Variants in ACMSD observed in about 807,000 individuals in gnomAD.
ACMSD encodes the protein 2-amino-3-carboxymuconate-6-semialdehyde decarboxylase.
ACMSD carries 37 observed loss-of-function variants against 45.9 expected under a neutral mutation model. The observed-to-expected ratio is 0.81, with a 90% CI of 0.62 to 1.06. The LOEUF is 1.06. Ranked by LOEUF, ACMSD falls within the 50% of genes least tolerant of loss-of-function variation. ACMSD has a pLI of 0.00. For missense variants in ACMSD, 434 were observed against 420.9 expected, an observed-to-expected ratio of 1.03 and a Z score of -0.27; for synonymous variants, 138 against 148.8, an observed-to-expected ratio of 0.93 and a Z score of 0.53.
rs532301608 is a variant in ACMSD, at chr2:134,894,641, T to C, written c.850-3700T>C. 1.3e-3 allele frequency among the ~76,000 whole-genome samples: 197 copies of C among 152,188 alleles called. 2 individuals carry two copies. The highest frequency in any genetic ancestry group is 4.5e-3 in the African/African-American group (186 of 41,542). On this transcript the variant is annotated intron_variant, in intron 8 of 9. Coordinates refer to ENST00000356140, the MANE Select transcript of ACMSD (RefSeq NM_138326.3). Reference sequence around the variant, plus strand: ...ATCCTCAACCTAATAAAAAGCATCATGAAAAACCCACAACTAACATCACAC... The same window carrying C: ...ATCCTCAACCTAATAAAAAGCATCACGAAAAACCCACAACTAACATCACAC...
At chr2:134,862,754 C>T (rs1687906269) in intron 4 of ACMSD, among the ~76,000 whole-genome samples, 3 of 152,228 alleles carry the variant, frequency 2.0e-5, no homozygotes, top group Admixed American at 2.0e-4. Context: ...GATTGGCTAC[C>T]ACTCTGATTA....
At chr2:134,879,080 C>A (rs1422609208) in intron 8 of ACMSD, among the ~76,000 whole-genome samples, 1 of 152,144 alleles carries the variant, frequency 6.6e-6, no homozygotes, top group African/African-American at 2.4e-5. Flanking sequence ...TCTGATTATG[C>A]CCTGGATTTA....
rs1435552248 is a variant in ACMSD at position 134,867,500 on chromosome 2, C to A, written c.487-79C>A. On this transcript the variant is annotated intron_variant, in intron 5 of 9. Transcript: ENST00000356140. ...AGACCAATATAGACTCAGAGAAAAG[C>A]AGTTTCCCCAAAACAGTACCTGGTA... The A allele has an allele frequency of 4.6e-6, 5 of 1,086,090 alleles. No individual in the cohort carries two copies. The East Asian group carries it at 1.2e-4, about 26-fold the overall frequency. The allele number at this position is 1,086,090 out of a possible 1,614,324, so 67.3% of individuals were successfully genotyped here.
chr2:134,894,949 T>C (rs1690010287), intron 8 of ACMSD, among the ~76,000 whole-genome samples: 1 of 152,168 alleles, frequency 6.6e-6, no homozygotes, highest in African/African-American at 2.4e-5. Flanking sequence ...GAATAATCCA[T>C]AAATGAAATT....
chr2:134,872,475 C>T lies in ACMSD; in HGVS notation c.683C>T (p.Ala228Val), dbSNP rs1210426583. 20 of 1,614,010 alleles carry T rather than the reference C, an allele frequency of 1.2e-5. No homozygotes were observed. Among genetic ancestry groups the T allele is most frequent in the Non-Finnish European group, 1.6e-5 (19 of 1,180,022 alleles). The change falls in exon 8 of 10, where the codon GCC (alanine) becomes GTC (valine). Residue 228 changes from alanine (A) to valine (V), a missense_variant. Ala to Val is a moderately conservative substitution (Grantham distance 64). Transcript: ENST00000356140. Reference protein sequence around the residue: ...LKVCFAHGGGAFPFTVGRISH... With the variant: ...LKVCFAHGGGVFPFTVGRISH... ...TAATGGGTTTTACTTGCAGGTGGTG[C>T]CTTCCCCTTCACAGTGGGAAGAATC... is the stretch of plus-strand genomic sequence containing the variant.
intron 2 of ACMSD, among the ~76,000 whole-genome samples, chr2:134,847,389 TGG>T (rs1687099013): frequency 6.9e-6 from 1 of 145,594 alleles, no homozygotes. Context: ...AAGAGTTTTT[TGG>T]GGATACAGAT....
intron 8 of ACMSD, among the ~76,000 whole-genome samples, chr2:134,885,290 T>TATATAAATATATATA (rs374618397): frequency 8.8e-5 from 4 of 45,434 alleles, no homozygotes; most frequent in Admixed American, 4.4e-4. Context: ...ATATATTATA[T>TATATAAATATATATA]TTATATATAT....
At chr2:134,847,508 G>A (rs1398561586) in intron 2 of ACMSD, among the ~76,000 whole-genome samples, 1 of 152,278 alleles carries the variant, frequency 6.6e-6, no homozygotes, top group South Asian at 2.1e-4. Flanking sequence ...TGTGCAGAAT[G>A]TGCAGATTTG....
At chr2:134,888,887 G>A (rs1280470294) in intron 8 of ACMSD, among the ~76,000 whole-genome samples, 1 of 152,138 alleles carries the variant, frequency 6.6e-6, no homozygotes, top group African/African-American at 2.4e-5. Context: ...GGAGCTTTGT[G>A]GGGTGATGAA....
Position 134,838,758 on chromosome 2 carries a change from C to T in ACMSD, c.57+19C>T. The stretch of plus-strand genomic sequence containing the variant: ...AAAAAAGGTAATGGTAATTAATTTG[C>T]TGAATTATTTCTGAAACTTCTCCAG... On this transcript the variant is annotated intron_variant, in intron 1 of 9. Coordinates refer to ENST00000356140, the MANE Select transcript of ACMSD (RefSeq NM_138326.3). 6.3e-7 allele frequency: 1 copy of T among 1,586,848 alleles called. No homozygotes were observed. Among genetic ancestry groups the T allele is most frequent in the Non-Finnish European group, 8.6e-7 (1 of 1,156,788 alleles).
At chr2:134,856,117 G>A (rs1193971289) in intron 2 of ACMSD, among the ~76,000 whole-genome samples, 2 of 152,186 alleles carry the variant, frequency 1.3e-5, no homozygotes, top group East Asian at 1.9e-4. Flanking sequence ...TCCACTAAGC[G>A]CTTTATATGG....
intron 8 of ACMSD, among the ~76,000 whole-genome samples, chr2:134,897,535 G>A (rs1466240616): frequency 6.6e-6 from 1 of 152,092 alleles, no homozygotes; most frequent in East Asian, 1.9e-4. Flanking sequence ...AAGTGTATGA[G>A]TGGAATACAT....
At chr2:134,886,042 G>A (rs976082807) in intron 8 of ACMSD, among the ~76,000 whole-genome samples, 2 of 152,022 alleles carry the variant, frequency 1.3e-5, no homozygotes, top group African/African-American at 4.8e-5. Context: ...GATATGCCAT[G>A]ATCAAATTTG....
At chr2:134,885,303 T>TTATATATAATATATATATG (rs1689298128) in intron 8 of ACMSD, among the ~76,000 whole-genome samples, 4 of 102,610 alleles carry the variant, frequency 3.9e-5, no homozygotes, top group African/African-American at 8.1e-5. Context: ...ATATATATAT[T>TTATATATAATATATATATG]TAAATATATA....
At chr2:134,892,052 G>C (rs1294792644) in intron 8 of ACMSD, among the ~76,000 whole-genome samples, 1 of 152,094 alleles carries the variant, frequency 6.6e-6, no homozygotes, top group Non-Finnish European at 1.5e-5. Context: ...ATGAAGTATG[G>C]AAAAATAGAT....
At chr2:134,891,809 CAAAG>C (rs1689800344) in intron 8 of ACMSD, among the ~76,000 whole-genome samples, 1 of 151,952 alleles carries the variant, frequency 6.6e-6, no homozygotes, top group East Asian at 1.9e-4. Context: ...ATCACAATAG[CAAAG>C]AAATGGAATT....
chr2:134,847,990 T>G (rs1479431747), intron 2 of ACMSD, among the ~76,000 whole-genome samples: 4 of 152,172 alleles, frequency 2.6e-5, no homozygotes, highest in African/African-American at 9.7e-5. Flanking sequence ...TAGCTGGAAT[T>G]ACAGGCATGT....
chr2:134,864,386 C>T (rs952570767), intron 5 of ACMSD, among the ~76,000 whole-genome samples: 2 of 152,016 alleles, frequency 1.3e-5, no homozygotes, highest in Non-Finnish European at 2.9e-5. Flanking sequence ...ACAAACATTA[C>T]CCATAATCCA....
intron 2 of ACMSD, among the ~76,000 whole-genome samples, chr2:134,848,758 T>C (rs896352405): frequency 6.6e-6 from 1 of 152,248 alleles, no homozygotes; most frequent in Non-Finnish European, 1.5e-5. Context: ...TATTTTGCTA[T>C]GCAGAAGCTC....
Sources: allele counts gnomAD v4.1 joint callset (sites outside exome capture counted in the v4.1 genomes callset), GRCh38; gene constraint gnomAD v4.1.1; transcripts MANE v1.5; gene names NCBI Gene and HGNC (gene_info 2026-07-23, HGNC 2026-07-21).